Variants in MYO10 observed in about 807,000 individuals in gnomAD.
MYO10 encodes the protein myosin X, also known as unconventional myosin-X.
In MYO10, 133 loss-of-function variants were observed where a neutral mutation model predicts 257.3. That is an observed-to-expected ratio of 0.52 (90% CI 0.45 to 0.60). MYO10 has a LOEUF of 0.60. Among genes scored for constraint, MYO10 ranks in the 20% least tolerant of loss-of-function variants. The pLI is 0.00. For synonymous variants in MYO10, 1,104 were observed against 1,028.6 expected, an observed-to-expected ratio of 1.07 and a Z score of -1.40; for missense variants, 2,399 against 2,635.7, an observed-to-expected ratio of 0.91 and a Z score of 1.97.
intron 2 of MYO10, among the ~76,000 whole-genome samples, chr5:16,861,964 CA>C (rs1355084112): frequency 6.6e-6 from 1 of 152,030 alleles, no homozygotes; most frequent in Non-Finnish European, 1.5e-5. Flanking sequence ...TTAAACAGGA[CA>C]AACAGATTGG....
intron 1 of MYO10, among the ~76,000 whole-genome samples, chr5:16,885,709 G>A (rs1293853632): frequency 6.6e-6 from 1 of 151,978 alleles, no homozygotes; most frequent in Non-Finnish European, 1.5e-5. Context: ...GGGTTGGGGG[G>A]TGGTGGCATC....
At chr5:16,898,487 A>G (rs946758351) in intron 1 of MYO10, among the ~76,000 whole-genome samples, 6 of 146,192 alleles carry the variant, frequency 4.1e-5, no homozygotes, top group Non-Finnish European at 5.9e-5. Context: ...ATCTCAGTTC[A>G]CTGCAACCTC....
At chr5:16,827,106 T>C (rs1168213094) in intron 2 of MYO10, among the ~76,000 whole-genome samples, 2 of 152,140 alleles carry the variant, frequency 1.3e-5, no homozygotes, top group Admixed American at 6.5e-5. Flanking sequence ...GGAGAAATTA[T>C]TTGGGGGCAA....
At position 16,874,350 on chromosome 5, in the gene MYO10, G is replaced by C. The variant is rs865991493; in HGVS notation, c.120+3259C>G. Among the ~76,000 whole-genome samples, 5 of 110,280 alleles carry C rather than the reference G, an allele frequency of 4.5e-5. 1 individual carries two copies. The highest frequency in any genetic ancestry group is 9.2e-5 in the African/African-American group (3 of 32,492). The allele number at this position is 110,280 out of a possible 152,430, so 72.3% of individuals were successfully genotyped here. ...CTCCATCTAAAAAAAAAAGCGGGGG[G>C]GGGGGGGGGTTTCTTTTCTATCACA... On this transcript the variant is annotated intron_variant, in intron 2 of 40. Coordinates refer to ENST00000513610, the MANE Select transcript of MYO10 (RefSeq NM_012334.3).
chr5:16,852,155 T>C (rs1743827686), intron 2 of MYO10, among the ~76,000 whole-genome samples: 1 of 149,992 alleles, frequency 6.7e-6, no homozygotes, highest in Non-Finnish European at 1.5e-5. Context: ...GGTTGGTTGG[T>C]TAACTGAACA....
intron 2 of MYO10, among the ~76,000 whole-genome samples, chr5:16,860,429 C>T (rs985533893): frequency 2.6e-5 from 4 of 152,070 alleles, no homozygotes; most frequent in African/African-American, 9.7e-5. Flanking sequence ...TAAAATCATT[C>T]GGGCAACTCG....
Position 16,681,499 on chromosome 5 carries a change from C to A in MYO10, c.4194G>T (p.Trp1398Cys). ...VEGQEFIVRG[W>C]LHKEVKNSPK... ...GACTGTTCTTCACCTCTTTGTGCAA[C>A]CATCCTGGAAAAAAAGATTAAAGTG... Residue 1398 changes from tryptophan (W) to cysteine (C), a missense_variant, in exon 32 of 41, where the codon TGG (tryptophan) becomes TGT (cysteine). Around this residue, in one of 3 missense-constraint regions of MYO10, gnomAD observed 1,820 missense variants for 1,939.4 expected, o/e 0.94. Coordinates refer to ENST00000513610, the MANE Select transcript of MYO10 (RefSeq NM_012334.3). 1.3e-6 allele frequency: 2 copies of A among 1,595,842 alleles called. No homozygotes were observed. The highest frequency in any genetic ancestry group is 1.7e-6 in the Non-Finnish European group (2 of 1,174,704).
Position 16,701,133 on chromosome 5 carries a change from C to T in MYO10, c.3262G>A (p.Asp1088Asn), listed in dbSNP as rs555201071. Residue 1088 changes from aspartate to asparagine, a missense_variant, in exon 25 of 41, where the codon GAC (aspartate) becomes AAC (asparagine). Asp to Asn is a conservative substitution (Grantham distance 23). This residue lies in a region of MYO10 where 1,820 missense variants were observed against 1,939.4 expected (regional missense o/e 0.94). Transcript: ENST00000513610. The surrounding 1 kb of genome is among the most constrained non-coding windows in gnomAD (Gnocchi z 8.1). ...TAGTCATCCTGGTCGTAGTCGTAGT[C>T]GCCGTCTGGGGAGGGCAAGTCCCCA... ...NAGDLPSPDGDYDYDQDDYED... is the reference protein window; with the variant it reads ...NAGDLPSPDGNYDYDQDDYED... The T allele has an allele frequency of 1.1e-5, 18 of 1,597,704 alleles. No homozygotes were observed. The highest frequency in any genetic ancestry group is 6.8e-5 in the East Asian group (3 of 44,124).
rs540391150 is a variant in MYO10, at chr5:16,701,769, G to A, written c.2626C>T (p.Arg876Cys). The A allele has an allele frequency of 2.0e-5, 33 of 1,613,910 alleles. No homozygotes were observed. Among genetic ancestry groups the A allele is most frequent in the Non-Finnish European group, 2.5e-5 (30 of 1,179,884 alleles). The change falls in exon 25 of 41, where the codon CGT becomes TGT. Residue 876 changes from arginine (R) to cysteine (C), a missense_variant. Physicochemically the swap from Arg to Cys is radical, Grantham distance 180 (BLOSUM62 -3). This residue lies in a region of MYO10 where 1,820 missense variants were observed against 1,939.4 expected (regional missense o/e 0.94). Coordinates refer to ENST00000513610, the MANE Select transcript of MYO10 (RefSeq NM_012334.3). This position sits in a 1 kb window ranked among gnomAD's most constrained non-coding sequence, Gnocchi z 8.1. Reference sequence around the variant, plus strand: ...TTTTCCTTCTGTTTCTCCAGTTCACGGGTCAGTTCAGCTTCCTTCTGGCTC... The same window carrying A: ...TTTTCCTTCTGTTTCTCCAGTTCACAGGTCAGTTCAGCTTCCTTCTGGCTC... ...QKSQKEAELT[R>C]ELEKQKENKQ...
chr5:16,788,969 C>T (rs1369272889), intron 4 of MYO10, among the ~76,000 whole-genome samples: 4 of 152,024 alleles, frequency 2.6e-5, no homozygotes, highest in Non-Finnish European at 4.4e-5. Context: ...GCAATGTCCT[C>T]GGGTGAGCAG....
intron 2 of MYO10, among the ~76,000 whole-genome samples, chr5:16,828,563 T>G (rs922689383): frequency 2.1e-5 from 3 of 143,718 alleles, no homozygotes; most frequent in African/African-American, 7.9e-5. Flanking sequence ...CAGGTTGCAG[T>G]GAGCTGAGAT....
At chr5:16,795,251 G>A (rs187580671) in intron 3 of MYO10, among the ~76,000 whole-genome samples, 16 of 152,338 alleles carry the variant, frequency 1.1e-4, no homozygotes, top group African/African-American at 3.8e-4. Context: ...CCAGGGGTTG[G>A]GGGAGAAGGA....
chr5:16,931,175 G>T (rs1311137806), intron 1 of MYO10, among the ~76,000 whole-genome samples: 2 of 152,098 alleles, frequency 1.3e-5, no homozygotes, highest in African/African-American at 4.8e-5. Context: ...GGAGGCTGAG[G>T]CAGGAGAATC....
chr5:16,778,881 G>A (rs1182239548), intron 9 of MYO10, among the ~76,000 whole-genome samples: 2 of 151,906 alleles, frequency 1.3e-5, no homozygotes, highest in Non-Finnish European at 2.9e-5. Flanking sequence ...TAGTGGAGAC[G>A]GGGTTTCACC....
chr5:16,909,887 C>T (rs933226171), intron 1 of MYO10, among the ~76,000 whole-genome samples: 2 of 152,072 alleles, frequency 1.3e-5, no homozygotes, highest in African/African-American at 4.8e-5. Flanking sequence ...AAGAGCCTGG[C>T]ACTCTCCCCT....
At chr5:16,923,728 C>T (rs1419231906) in intron 1 of MYO10, among the ~76,000 whole-genome samples, 1 of 151,506 alleles carries the variant, frequency 6.6e-6, no homozygotes, top group East Asian at 1.9e-4. Flanking sequence ...ACATGTGAAC[C>T]ACCACGACAT....
chr5:16,849,358 A>C (rs1361677531), intron 2 of MYO10, among the ~76,000 whole-genome samples: 1 of 152,152 alleles, frequency 6.6e-6, no homozygotes, highest in Non-Finnish European at 1.5e-5. Flanking sequence ...TGGCAAAGTC[A>C]CATAAGTCAG....
At chr5:16,832,856 A>C (rs1479670667) in intron 2 of MYO10, among the ~76,000 whole-genome samples, 3 of 152,216 alleles carry the variant, frequency 2.0e-5, no homozygotes, top group Non-Finnish European at 4.4e-5. Flanking sequence ...CCCCTTCCTC[A>C]GGGAATGACA....
In MYO10 at chr5:16,903,215, A is replaced by G. The variant is rs376501541; in HGVS notation, c.22-25508T>C. Among the ~76,000 whole-genome samples the G allele has an allele frequency of 3.3e-5, 5 of 152,152 alleles. No homozygotes were observed. The East Asian group carries it at 5.8e-4, about 18-fold the overall frequency. On this transcript the variant is annotated intron_variant, in intron 1 of 40. Coordinates refer to ENST00000513610, the MANE Select transcript of MYO10 (RefSeq NM_012334.3). Reference sequence around the variant, plus strand: ...AGGTCAGGAGTTGAAGACCAGCCTGACCAACATGGTGAAACCCTGTCTCTA... The same window carrying G: ...AGGTCAGGAGTTGAAGACCAGCCTGGCCAACATGGTGAAACCCTGTCTCTA...
Sources: allele counts gnomAD v4.1 joint callset (sites outside exome capture counted in the v4.1 genomes callset), GRCh38; gene constraint gnomAD v4.1.1; regional missense constraint gnomAD v4.1.1; non-coding constraint Gnocchi (gnomAD v3.1); transcripts MANE v1.5; gene names NCBI Gene and HGNC (gene_info 2026-07-23, HGNC 2026-07-21).